PHLPP1: variants seen among roughly 807,000 people sequenced by gnomAD.
The protein encoded by PHLPP1 is PH domain and leucine rich repeat protein phosphatase 1.
In PHLPP1, 42 loss-of-function variants were observed where a neutral mutation model predicts 117.2. The ratio of observed to expected loss-of-function variants is 0.36; its 90% CI spans 0.28 to 0.46. The LOEUF (loss-of-function observed/expected upper bound fraction) is 0.46, where lower values mean the gene tolerates loss of function less well. Ranked by LOEUF, PHLPP1 falls within the 20% of genes least tolerant of loss-of-function variation. The pLI, the probability that PHLPP1 is intolerant of heterozygous loss-of-function variation, is 1.00. For missense variants in PHLPP1, 2,084 were observed against 2,241.9 expected (o/e 0.93, Z 1.42); for synonymous variants, 1,042 against 970.7 (o/e 1.07, Z -1.37).
intron 1 of PHLPP1, among the ~76,000 whole-genome samples, chr18:62,802,454 A>T (rs1913816149): frequency 6.6e-6 from 1 of 152,182 alleles, no homozygotes; most frequent in African/African-American, 2.4e-5. Context: ...TGATGATTGA[A>T]ACTGTTCTAA....
chr18:62,785,710 G>C (rs549737662), intron 1 of PHLPP1, among the ~76,000 whole-genome samples: 2 of 152,076 alleles, frequency 1.3e-5, no homozygotes, highest in Non-Finnish European at 1.5e-5. Context: ...TTCTTTTCTC[G>C]GGTCATTACC....
At chr18:62,936,581 A>G (rs1805380582) in intron 10 of PHLPP1, among the ~76,000 whole-genome samples, 1 of 152,246 alleles carries the variant, frequency 6.6e-6, no homozygotes, top group South Asian at 2.1e-4. Flanking sequence ...CAAGTAATCA[A>G]AGTTAATATC....
intron 1 of PHLPP1, among the ~76,000 whole-genome samples, chr18:62,747,118 A>G (rs1350055711): frequency 6.6e-6 from 1 of 152,102 alleles, no homozygotes; most frequent in East Asian, 1.9e-4. Flanking sequence ...TGAAAGAATC[A>G]GCATTAGGTT....
intron 10 of PHLPP1, among the ~76,000 whole-genome samples, chr18:62,927,247 T>C (rs544590226): frequency 2.6e-5 from 4 of 152,256 alleles, no homozygotes; most frequent in East Asian, 1.9e-4. Flanking sequence ...ATAGAAGATA[T>C]AGCATCGAAC....
chr18:62,862,820 G>C (rs188520781), intron 4 of PHLPP1, among the ~76,000 whole-genome samples: 61 of 152,300 alleles, frequency 4.0e-4, no homozygotes, highest in African/African-American at 1.4e-3. Flanking sequence ...TGTCATCAAG[G>C]ACATTCTTAA....
intron 1 of PHLPP1, among the ~76,000 whole-genome samples, chr18:62,767,376 C>T (rs1912582379): frequency 6.6e-6 from 1 of 152,174 alleles, no homozygotes; most frequent in African/African-American, 2.4e-5. Flanking sequence ...AACCGCAATT[C>T]CTGCAACCAC....
chr18:62,715,914 G>T lies in PHLPP1; in HGVS notation c.231G>T (p.Glu77Asp). The change falls in exon 1 of 17, where the codon GAG (glutamate) becomes GAT (aspartate). Residue 77 changes from glutamate to aspartate, a missense_variant. By Grantham distance (45) the Glu-to-Asp change is conservative (BLOSUM62 2). Around this residue, in one of 2 missense-constraint regions of PHLPP1, gnomAD observed 719 missense variants for 636.0 expected, o/e 1.13. Transcript: ENST00000262719. ...GGGCGCGGGAAGAGGCCCCAGGCGA[G>T]GCGCCGCCGGGGCCGCTGCCGGGCA... Reference protein sequence around the residue: ...GSGAREEAPGEAPPGPLPGRA... With the variant: ...GSGAREEAPGDAPPGPLPGRA... 1 of 976,856 alleles carries T rather than the reference G, an allele frequency of 1.0e-6. No homozygotes were observed. The highest frequency in any genetic ancestry group is 4.6e-5 in the South Asian group (1 of 21,622). 60.5% of individuals were successfully genotyped at this position (976,856 alleles called of 1,614,324 possible). A position where few individuals can be genotyped will look rare whatever the true frequency, so the allele number is the denominator to read the frequency against.
intron 1 of PHLPP1, among the ~76,000 whole-genome samples, chr18:62,817,385 A>G (rs1914313129): frequency 6.6e-6 from 1 of 152,240 alleles, no homozygotes; most frequent in Non-Finnish European, 1.5e-5. Context: ...CATGGAAGAT[A>G]AATACATACG....
intron 8 of PHLPP1, among the ~76,000 whole-genome samples, chr18:62,912,350 AAAAAAAATTTT>A (rs2144415313): frequency 7.7e-6 from 1 of 130,472 alleles, no homozygotes; most frequent in African/African-American, 2.7e-5. Flanking sequence ...GATCCATCAA[AAAAAAAATTTT>A]TTTTTATTAT....
intron 4 of PHLPP1, among the ~76,000 whole-genome samples, chr18:62,871,979 A>T (rs1915916801): frequency 6.6e-6 from 1 of 152,086 alleles, no homozygotes; most frequent in African/African-American, 2.4e-5. Flanking sequence ...TTTATCATTT[A>T]TTAAGGATGT....
Position 62,716,532 on chromosome 18 carries a change from C to A in PHLPP1, c.849C>A (p.Pro283=). The change falls in exon 1 of 17, where the codon CCC becomes CCA. Residue 283 remains proline, a synonymous_variant. Transcript: ENST00000262719. The surrounding 1 kb of genome is among the most constrained non-coding windows in gnomAD (Gnocchi z 5.7). ...PPEPRDSEVP[P]ARSAPGAFGG... is the part of the protein sequence containing the mutation. ...AGCCGCGGGACTCGGAGGTACCGCC[C>A]GCGAGGAGCGCGCCGGGTGCCTTCG... The A allele has an allele frequency of 8.5e-7, 1 of 1,181,052 alleles. No individual in the cohort carries two copies. Among genetic ancestry groups the A allele is most frequent in the South Asian group, 4.2e-5 (1 of 23,964 alleles). The allele number at this position is 1,181,052 out of a possible 1,614,324, so 73.2% of individuals were successfully genotyped here.
chr18:62,765,721 C>T (rs1434994058), intron 1 of PHLPP1, among the ~76,000 whole-genome samples: 3 of 152,000 alleles, frequency 2.0e-5, no homozygotes, highest in East Asian at 1.9e-4. Flanking sequence ...AGGGGCCGGG[C>T]GCAGTGGCTC....
At chr18:62,917,244 T>G (rs12963637) in intron 9 of PHLPP1, among the ~76,000 whole-genome samples, 15,423 of 149,430 alleles carry the variant, frequency 0.1, 913 homozygotes, top group African/African-American at 0.14. Flanking sequence ...ACAAACAAAT[T>G]CAAGATAACT....
At chr18:62,728,306 AT>A (rs1177389154) in intron 1 of PHLPP1, among the ~76,000 whole-genome samples, 14 of 151,542 alleles carry the variant, frequency 9.2e-5, no homozygotes, top group African/African-American at 3.4e-4. Flanking sequence ...AAAAAAAAAA[AT>A]ATTTTTTTTA....
chr18:62,781,114 A>C (rs1015591631), intron 1 of PHLPP1, among the ~76,000 whole-genome samples: 1 of 152,240 alleles, frequency 6.6e-6, no homozygotes, highest in African/African-American at 2.4e-5. Context: ...TGGGAAAACT[A>C]TGTAACTCTT....
rs542532733 is a variant in PHLPP1, at chr18:62,904,269, T to A, written c.2648-955T>A. 1.7e-4 allele frequency among the ~76,000 whole-genome samples: 26 copies of A among 152,292 alleles called. No homozygotes were observed. In the South Asian group the frequency reaches 5.4e-3, roughly 32 times the overall value. The stretch of plus-strand genomic sequence containing the variant: ...GAGAAAACAGGGAATTCTGAACCCA[T>A]AGAAGTAATTAGGGGATGCATGCTT... On this transcript the variant is annotated intron_variant, in intron 7 of 16. Transcript: ENST00000262719.
chr18:62,817,419 G>A (rs1295496687), intron 1 of PHLPP1, among the ~76,000 whole-genome samples: 1 of 152,206 alleles, frequency 6.6e-6, no homozygotes, highest in Admixed American at 6.5e-5. Context: ...ATGTGTATAT[G>A]TAGGTAAATA....
chr18:62,872,015 G>C (rs79668041), intron 4 of PHLPP1, among the ~76,000 whole-genome samples: 4 of 152,142 alleles, frequency 2.6e-5, no homozygotes, highest in Non-Finnish European at 4.4e-5. Flanking sequence ...GAAGGACCTA[G>C]AGTTTGTAAA....
intron 3 of PHLPP1, among the ~76,000 whole-genome samples, chr18:62,856,394 T>C (rs561567030): frequency 7.9e-5 from 12 of 152,226 alleles, no homozygotes; most frequent in African/African-American, 2.6e-4. Flanking sequence ...CTCCTTATTA[T>C]CAGTGTTCTC....
Sources: gnomAD v4.1 joint callset for allele counts (sites outside exome capture counted in the v4.1 genomes callset) on GRCh38, gnomAD v4.1.1 for gene constraint, gnomAD v4.1.1 regional missense constraint, Gnocchi (gnomAD v3.1) non-coding constraint, MANE v1.5 for transcripts, NCBI Gene and HGNC (gene_info 2026-07-23, HGNC 2026-07-21) for gene names.